ADGRB3: variants seen among roughly 807,000 people sequenced by gnomAD.
The protein encoded by ADGRB3 is brain-specific angiogenesis inhibitor 3.
Under a neutral mutation model 193.4 loss-of-function variants are expected in ADGRB3, and 37 were observed. The observed-to-expected ratio is 0.19, with a 90% CI of 0.15 to 0.25. The LOEUF (loss-of-function observed/expected upper bound fraction) is 0.25. ADGRB3 is among the 10% of genes least tolerant of loss of function. ADGRB3 has a pLI of 1.00. For synonymous variants in ADGRB3, 690 were observed against 644.2 expected, an observed-to-expected ratio of 1.07 and a Z score of -1.08; for missense variants, 1,637 against 1,852.9, an observed-to-expected ratio of 0.88 and a Z score of 2.14.
intron 1 of ADGRB3, among the ~76,000 whole-genome samples, chr6:68,637,145 G>C (rs963284720): frequency 1.3e-5 from 2 of 152,098 alleles, no homozygotes; most frequent in Admixed American, 1.3e-4. Flanking sequence ...ATTTTAAACT[G>C]CTGCTATATA....
intron 3 of ADGRB3, among the ~76,000 whole-genome samples, chr6:68,802,588 T>C (rs530767578): frequency 5.3e-5 from 8 of 152,292 alleles, no homozygotes; most frequent in African/African-American, 1.9e-4. Context: ...CTTCAAAGTG[T>C]ATGTGTTTAC....
rs70987461 is a variant in ADGRB3 at position 69,333,936 on chromosome 6, C to CAAAATAAAAT, written c.3188+1003_3188+1012dup. On this transcript the variant is annotated intron_variant, in intron 24 of 31. Coordinates refer to ENST00000370598, the MANE Select transcript of ADGRB3 (RefSeq NM_001704.3). The stretch of plus-strand genomic sequence containing the variant: ...CAGAGCGAGACTCTGTCTCAAAAAA[C>CAAAATAAAAT]AAAATAAAATAAAATAAAATAAAAT... 3.0e-4 allele frequency among the ~76,000 whole-genome samples: 33 copies of CAAAATAAAAT among 110,480 alleles called. 2 individuals are homozygous for CAAAATAAAAT. The highest frequency in any genetic ancestry group is 1.4e-3 in the East Asian group (5 of 3,626). 72.5% of individuals were successfully genotyped at this position (110,480 alleles called of 152,430 possible). A position where few individuals can be genotyped will look rare whatever the true frequency, so the allele number is the denominator to read the frequency against.
At chr6:68,837,127 A>G (rs533500150) in intron 3 of ADGRB3, among the ~76,000 whole-genome samples, 1 of 152,266 alleles carries the variant, frequency 6.6e-6, no homozygotes, top group African/African-American at 2.4e-5. Context: ...AATCATGCAC[A>G]CCCCAAACCA....
chr6:68,896,578 T>C (rs1766224284), intron 3 of ADGRB3, among the ~76,000 whole-genome samples: 1 of 152,156 alleles, frequency 6.6e-6, no homozygotes. Flanking sequence ...TTAAGCATAA[T>C]TGCAAAGGTA....
At chr6:68,939,308 A>ATT (rs1456063511) in intron 5 of ADGRB3, among the ~76,000 whole-genome samples, 1 of 152,196 alleles carries the variant, frequency 6.6e-6, no homozygotes, top group East Asian at 1.9e-4. Context: ...TAGAATATAA[A>ATT]TAACTCCCAC....
chr6:69,216,472 A>G (rs950904117), intron 17 of ADGRB3, among the ~76,000 whole-genome samples: 3 of 152,182 alleles, frequency 2.0e-5, no homozygotes, highest in African/African-American at 7.2e-5. Context: ...GCCCAGGAGA[A>G]AGGAAGCACA....
intron 3 of ADGRB3, among the ~76,000 whole-genome samples, chr6:68,680,229 T>C (rs1282816684): frequency 1.3e-5 from 2 of 151,230 alleles, no homozygotes; most frequent in Non-Finnish European, 2.9e-5. Context: ...AAGACACAAG[T>C]ATATTGTTGT....
chr6:69,129,492 TAAG>T (rs1561928232), intron 17 of ADGRB3, among the ~76,000 whole-genome samples: 1 of 152,024 alleles, frequency 6.6e-6, no homozygotes, highest in African/African-American at 2.4e-5. Context: ...TAAAAAAACA[TAAG>T]AACATTGGAA....
intron 3 of ADGRB3, among the ~76,000 whole-genome samples, chr6:68,856,902 C>G (rs1209910254): frequency 6.6e-6 from 1 of 152,214 alleles, no homozygotes; most frequent in Non-Finnish European, 1.5e-5. Flanking sequence ...CTGGGCTCTC[C>G]TGCTCTGTGC....
chr6:68,772,893 AAAT>A (rs1430077489), intron 3 of ADGRB3, among the ~76,000 whole-genome samples: 393 of 22,586 alleles, frequency 0.017, no homozygotes, highest in Non-Finnish European at 0.025. Context: ...AAAAAAAAAA[AAAT>A]ATATATATAT....
chr6:68,769,183 C>T (rs1258036304), intron 3 of ADGRB3, among the ~76,000 whole-genome samples: 1 of 152,114 alleles, frequency 6.6e-6, no homozygotes, highest in African/African-American at 2.4e-5. Flanking sequence ...GCAGTCCCAT[C>T]ACTGGGTATG....
At chr6:69,308,190 C>G (rs1768105362) in intron 20 of ADGRB3, among the ~76,000 whole-genome samples, 1 of 151,420 alleles carries the variant, frequency 6.6e-6, no homozygotes, top group African/African-American at 2.4e-5. Flanking sequence ...AGTCCTGGCT[C>G]TGCCTCTACA....
At chr6:69,065,198 T>C (rs1771865623) in intron 16 of ADGRB3, among the ~76,000 whole-genome samples, 2 of 152,170 alleles carry the variant, frequency 1.3e-5, no homozygotes, top group Non-Finnish European at 2.9e-5. Context: ...AAAATGTATG[T>C]ATACATGTAG....
At chr6:68,708,217 T>C (rs1489965738) in intron 3 of ADGRB3, among the ~76,000 whole-genome samples, 1 of 152,064 alleles carries the variant, frequency 6.6e-6, no homozygotes, top group Non-Finnish European at 1.5e-5. Flanking sequence ...ATAATAATAA[T>C]AAAATTATAT....
intron 17 of ADGRB3, among the ~76,000 whole-genome samples, chr6:69,107,511 A>G (rs1474414436): frequency 6.6e-6 from 1 of 152,244 alleles, no homozygotes; most frequent in East Asian, 1.9e-4. Context: ...TTAAGAAATC[A>G]ACCAAGATTG....
chr6:69,008,478 C>A (rs1380980360), intron 11 of ADGRB3, among the ~76,000 whole-genome samples: 5 of 152,086 alleles, frequency 3.3e-5, no homozygotes, highest in Non-Finnish European at 7.4e-5. Flanking sequence ...TCTAGTGATG[C>A]CCTTTCTTCA....
At chr6:69,036,484 A>G (rs1327529920) in intron 13 of ADGRB3, among the ~76,000 whole-genome samples, 1 of 152,176 alleles carries the variant, frequency 6.6e-6, no homozygotes, top group Non-Finnish European at 1.5e-5. Flanking sequence ...AACTCACTAT[A>G]TGCTAAGATC....
chr6:68,813,741 G>A (rs1201490449), intron 3 of ADGRB3, among the ~76,000 whole-genome samples: 2 of 152,034 alleles, frequency 1.3e-5, no homozygotes, highest in African/African-American at 4.8e-5. Context: ...GGTGTGTGAT[G>A]TTCCCCTTCC....
chr6:69,350,465 G>T (rs1769198405), intron 26 of ADGRB3, among the ~76,000 whole-genome samples: 1 of 152,002 alleles, frequency 6.6e-6, no homozygotes, highest in Admixed American at 6.6e-5. Context: ...GAAAAAATTT[G>T]AAGTCTAGAT....
Sources: allele counts gnomAD v4.1 joint callset (sites outside exome capture counted in the v4.1 genomes callset), GRCh38; gene constraint gnomAD v4.1.1; transcripts MANE v1.5; gene names NCBI Gene and HGNC (gene_info 2026-07-23, HGNC 2026-07-21).